The following TMEM131L variants were observed in gnomAD, a reference collection of about 807,000 sequenced individuals.
TMEM131L encodes the protein transmembrane 131 like.
Under a neutral mutation model 192.2 loss-of-function variants are expected in TMEM131L, and 54 were observed. The observed-to-expected ratio is 0.28, with a 90% confidence interval of 0.23 to 0.35. TMEM131L has a LOEUF of 0.35. Among genes scored for constraint, TMEM131L ranks in the 10% least tolerant of loss-of-function variants. TMEM131L has a pLI of 1.00. For missense variants in TMEM131L, 1,888 were observed against 1,972.9 expected (o/e 0.96, Z 0.82); for synonymous variants, 701 against 704.9 (o/e 0.99, Z 0.09).
chr4:153,474,144 G>C (rs1293704542), intron 3 of TMEM131L, among the ~76,000 whole-genome samples: 3 of 152,182 alleles, frequency 2.0e-5, no homozygotes, highest in African/African-American at 7.2e-5. Flanking sequence ...TGATGTGCTT[G>C]TGCCCTCCCT....
At chr4:153,498,841 G>C (rs901279783) in intron 3 of TMEM131L, among the ~76,000 whole-genome samples, 1 of 152,144 alleles carries the variant, frequency 6.6e-6, no homozygotes, top group African/African-American at 2.4e-5. Flanking sequence ...AGGAGAGTCT[G>C]TTCCAGACTT....
chr4:153,519,509 A>G (rs187420021), intron 3 of TMEM131L, among the ~76,000 whole-genome samples: 6 of 152,372 alleles, frequency 3.9e-5, no homozygotes, highest in African/African-American at 1.2e-4. Flanking sequence ...TTGAGCTGCT[A>G]CAGTAGTTTG....
At chr4:153,553,713 TG>T (rs1737804721) in intron 4 of TMEM131L, among the ~76,000 whole-genome samples, 1 of 152,196 alleles carries the variant, frequency 6.6e-6, no homozygotes, top group Non-Finnish European at 1.5e-5. Flanking sequence ...ATCGGGATCT[TG>T]TTACTCGGTT....
At chr4:153,496,658 G>A (rs1450027270) in intron 3 of TMEM131L, among the ~76,000 whole-genome samples, 1 of 151,998 alleles carries the variant, frequency 6.6e-6, no homozygotes, top group Non-Finnish European at 1.5e-5. Context: ...CTCAGGCTCA[G>A]GTGATCTTCC....
At chr4:153,595,854 A>G (rs912917304) in intron 19 of TMEM131L, among the ~76,000 whole-genome samples, 5 of 152,224 alleles carry the variant, frequency 3.3e-5, no homozygotes, top group Admixed American at 6.5e-5. Flanking sequence ...GAATTTATAT[A>G]AAGAGATCTT....
chr4:153,593,808 T>C lies in TMEM131L; in HGVS notation c.1932T>C (p.Thr644=). ...GCTTTTTTCCTTATAGGTTTGGCAC[T>C]GATATGCAGATGATTAATTTCACAA... ...LVHLLHRWFG[T]DMQMINFTTG... The change falls in exon 19 of 35, where the codon ACT becomes ACC. Residue 644 remains threonine (T), a synonymous_variant. Coordinates refer to ENST00000409959, the MANE Select transcript of TMEM131L (RefSeq NM_001131007.2). The C allele has an allele frequency of 6.2e-7, 1 of 1,612,022 alleles. No individual in the cohort carries two copies. The highest frequency in any genetic ancestry group is 1.1e-5 in the South Asian group (1 of 91,036).
In TMEM131L at chr4:153,618,010, T is replaced by C. The variant is rs116525587; in HGVS notation, c.3568-2746T>C. On this transcript the variant is annotated intron_variant, in intron 26 of 34. Coordinates refer to ENST00000409959, the MANE Select transcript of TMEM131L (RefSeq NM_001131007.2). ...ATCAAATATTGTGTATCAGAGATTTTTCTTAGTTTGCTAAGAAACTAAGCA... is the reference window on the plus strand; with the variant it reads ...ATCAAATATTGTGTATCAGAGATTTCTCTTAGTTTGCTAAGAAACTAAGCA... Among the ~76,000 whole-genome samples the C allele has an allele frequency of 3.0e-3, 462 of 152,352 alleles. 2 individuals are homozygous for C. The highest frequency in any genetic ancestry group is 0.011 in the African/African-American group (438 of 41,582).
chr4:153,545,602 T>C (rs766444553), intron 3 of TMEM131L, among the ~76,000 whole-genome samples: 5 of 152,282 alleles, frequency 3.3e-5, no homozygotes, highest in South Asian at 4.1e-4. Context: ...TGTTTCTTTG[T>C]TGTATGTCTG....
chr4:153,569,927 G>T (rs1449806235), intron 7 of TMEM131L, among the ~76,000 whole-genome samples: 1 of 152,192 alleles, frequency 6.6e-6, no homozygotes, highest in Admixed American at 6.5e-5. Flanking sequence ...AAAGTTCAAG[G>T]CTATGGTAGT....
intron 19 of TMEM131L, among the ~76,000 whole-genome samples, chr4:153,595,936 T>C (rs894774674): frequency 1.3e-5 from 2 of 152,198 alleles, no homozygotes; most frequent in African/African-American, 4.8e-5. Context: ...GTTGGGTCTG[T>C]TTTCTGATTG....
At chr4:153,623,722 T>C (rs956238002) in intron 29 of TMEM131L, among the ~76,000 whole-genome samples, 20 of 152,356 alleles carry the variant, frequency 1.3e-4, no homozygotes, top group Middle Eastern at 3.4e-3. Context: ...CTCCATTGTA[T>C]GTGCAGACAC....
At chr4:153,477,640 T>C (rs1731641635) in intron 3 of TMEM131L, among the ~76,000 whole-genome samples, 1 of 152,232 alleles carries the variant, frequency 6.6e-6, no homozygotes, top group Non-Finnish European at 1.5e-5. Context: ...CTTGCAAGCA[T>C]ATACATGGAT....
chr4:153,494,935 A>G (rs1210720905), intron 3 of TMEM131L, among the ~76,000 whole-genome samples: 1 of 152,196 alleles, frequency 6.6e-6, no homozygotes, highest in African/African-American at 2.4e-5. Context: ...GATCCGGGGA[A>G]GTGTGAGAGG....
intron 3 of TMEM131L, among the ~76,000 whole-genome samples, chr4:153,475,955 T>C (rs1219385157): frequency 1.3e-5 from 2 of 152,200 alleles, no homozygotes; most frequent in African/African-American, 4.8e-5. Context: ...ACAAATTGTA[T>C]TGATAACTTT....
At chr4:153,553,967 TC>T (rs2150442081) in intron 4 of TMEM131L, among the ~76,000 whole-genome samples, 1 of 152,308 alleles carries the variant, frequency 6.6e-6, no homozygotes, top group African/African-American at 2.4e-5. Context: ...CTCTGTTAGG[TC>T]TGGAGAGATT....
chr4:153,574,963 C>G (rs1236391393), intron 7 of TMEM131L, among the ~76,000 whole-genome samples: 1 of 152,162 alleles, frequency 6.6e-6, no homozygotes, highest in Non-Finnish European at 1.5e-5. Context: ...CTGAGAAATA[C>G]AGAATCTAAG....
intron 7 of TMEM131L, among the ~76,000 whole-genome samples, chr4:153,562,601 G>C (rs994943945): frequency 7.2e-5 from 11 of 152,182 alleles, no homozygotes; most frequent in Admixed American, 6.5e-4. Context: ...CCATTGTCCA[G>C]GGTTGGGGAG....
intron 3 of TMEM131L, among the ~76,000 whole-genome samples, chr4:153,475,396 A>G (rs371366623): frequency 2.8e-4 from 43 of 152,210 alleles, no homozygotes; most frequent in African/African-American, 9.9e-4. Context: ...CAGTACTTAC[A>G]AGCTTTTTCA....
intron 21 of TMEM131L, among the ~76,000 whole-genome samples, chr4:153,599,319 C>T (rs1047698505): frequency 9.2e-5 from 14 of 152,258 alleles, no homozygotes; most frequent in African/African-American, 3.4e-4. Flanking sequence ...AGACCACCGC[C>T]ATGATCCATT....
Sources: allele counts gnomAD v4.1 joint callset (sites outside exome capture counted in the v4.1 genomes callset), GRCh38; gene constraint gnomAD v4.1.1; transcripts MANE v1.5; gene names NCBI Gene and HGNC (gene_info 2026-07-23, HGNC 2026-07-21).